HDGFL3: variants seen among roughly 807,000 people sequenced by gnomAD.
HDGFL3 encodes the protein hepatoma-derived growth factor-related protein 3.
A neutral mutation model predicts 27.6 loss-of-function variants in HDGFL3; 6 were observed. That is an observed-to-expected ratio of 0.22 (90% confidence interval 0.12 to 0.43). HDGFL3 has a LOEUF of 0.43. Among genes scored for constraint, HDGFL3 ranks in the 20% least tolerant of loss-of-function variants. The pLI, the probability that HDGFL3 is intolerant of heterozygous loss-of-function variation, is 1.00. For missense variants in HDGFL3, 207 were observed against 250.1 expected, an observed-to-expected ratio of 0.83 and a Z score of 1.16; for synonymous variants, 88 against 88.9, an observed-to-expected ratio of 0.99 and a Z score of 0.05.
At chr15:83,195,636 T>C (rs544339542) in intron 1 of HDGFL3, among the ~76,000 whole-genome samples, 6 of 152,212 alleles carry the variant, frequency 3.9e-5, no homozygotes, top group African/African-American at 4.8e-5. Context: ...AACATTAATG[T>C]TACCCAATTC....
chr15:83,175,226 C>T (rs1050433694), intron 1 of HDGFL3, among the ~76,000 whole-genome samples: 2 of 152,064 alleles, frequency 1.3e-5, no homozygotes, highest in African/African-American at 4.8e-5. Context: ...TGAGTTTGTA[C>T]CCCCTGGAAC....
chr15:83,169,696 G>A (rs1474769407), intron 1 of HDGFL3, among the ~76,000 whole-genome samples: 2 of 151,798 alleles, frequency 1.3e-5, no homozygotes, highest in African/African-American at 4.8e-5. Context: ...AGCTACTTGG[G>A]AGGCTGAGAC....
chr15:83,131,744 G>T lies in HDGFL3; in HGVS notation c.*7526C>A, dbSNP rs1204433225. 6.6e-6 allele frequency: 1 copy of T among 152,180 alleles called. No individual in the cohort carries two copies. Among genetic ancestry groups the T allele is most frequent in the Non-Finnish European group, 1.5e-5 (1 of 68,040 alleles). 9.4% of individuals were successfully genotyped at this position (152,180 alleles called of 1,614,324 possible). Reference sequence around the variant, plus strand: ...TCAAAAGATCAAGGAAAGAGTAAAAGAAGATTGAATAAAATGAAACCAGGA... The same window carrying T: ...TCAAAAGATCAAGGAAAGAGTAAAATAAGATTGAATAAAATGAAACCAGGA... On this transcript the variant is annotated 3_prime_UTR_variant, in exon 6 of 6. Transcript: ENST00000299633.
chr15:83,207,158 C>A lies in HDGFL3; in HGVS notation c.84+173G>T, dbSNP rs1326990420. On this transcript the variant is annotated intron_variant, in intron 1 of 5. Coordinates refer to ENST00000299633, the MANE Select transcript of HDGFL3 (RefSeq NM_016073.4). This position sits in a 1 kb window ranked among gnomAD's most constrained non-coding sequence, Gnocchi z 4.8. Reference sequence around the variant, plus strand: ...GGCGGAGTGCGGGCGAGGCCGGGAGCCCTTGCCTCAGCCCCGGCCCGGTCT... The same window carrying A: ...GGCGGAGTGCGGGCGAGGCCGGGAGACCTTGCCTCAGCCCCGGCCCGGTCT... Among the ~76,000 whole-genome samples, 1 of 152,162 alleles carries A rather than the reference C, an allele frequency of 6.6e-6. No homozygotes were observed. Among genetic ancestry groups the A allele is most frequent in the Admixed American group, 6.5e-5 (1 of 15,290 alleles).
intron 5 of HDGFL3, among the ~76,000 whole-genome samples, chr15:83,142,898 T>C (rs1402556437): frequency 6.6e-6 from 1 of 152,260 alleles, no homozygotes. Context: ...ATAAAAATGC[T>C]ATTTAAGTAA....
At chr15:83,140,670 T>G (rs1393570505) in intron 5 of HDGFL3, among the ~76,000 whole-genome samples, 3 of 152,054 alleles carry the variant, frequency 2.0e-5, no homozygotes, top group East Asian at 3.9e-4. Flanking sequence ...TTAGTAGAGA[T>G]GGGATTTCAC....
At chr15:83,181,476 T>C (rs1451261055) in intron 1 of HDGFL3, among the ~76,000 whole-genome samples, 2 of 152,224 alleles carry the variant, frequency 1.3e-5, no homozygotes, top group Non-Finnish European at 1.5e-5. Context: ...TTTCAATTCT[T>C]GTAGTCACTT....
At chr15:83,122,766 G>C, downstream of HDGFL3, 1 of 1,613,792 alleles carries the variant, frequency 6.2e-7, no homozygotes. Context: ...GGGAAGTATG[G>C]AACACGAATT....
intron 3 of HDGFL3, among the ~76,000 whole-genome samples, chr15:83,116,686 G>C (rs998591579): frequency 7.2e-5 from 11 of 152,190 alleles, no homozygotes; most frequent in Admixed American, 2.0e-4. Flanking sequence ...CACCAGTCAG[G>C]AGGCTTCCTC....
At chr15:83,126,666 G>T, downstream of HDGFL3, 1 of 1,012,768 alleles carries the variant, frequency 9.9e-7, no homozygotes, top group Non-Finnish European at 1.5e-6. Flanking sequence ...AAAGCAGCTT[G>T]TGACTAAACC....
chr15:83,149,797 A>G (rs1279775046), intron 5 of HDGFL3, among the ~76,000 whole-genome samples: 1 of 152,194 alleles, frequency 6.6e-6, no homozygotes, highest in East Asian at 1.9e-4. Context: ...GAAGGGAGGT[A>G]TCATCAAGAT....
chr15:83,173,816 G>A (rs1347190214), intron 1 of HDGFL3, among the ~76,000 whole-genome samples: 1 of 152,004 alleles, frequency 6.6e-6, no homozygotes, highest in Non-Finnish European at 1.5e-5. Flanking sequence ...CCCAAGAAAA[G>A]ACTACAAATA....
intron 3 of HDGFL3, chr15:83,115,878 A>G: frequency 6.2e-7 from 1 of 1,614,150 alleles, no homozygotes; most frequent in Non-Finnish European, 8.5e-7. Context: ...AGCGTGGTGA[A>G]CCTCATCATA....
chr15:83,132,139 A>C lies in HDGFL3; in HGVS notation c.*7131T>G, dbSNP rs2036297716. 6.6e-6 allele frequency: 1 copy of C among 152,200 alleles called. No homozygotes were observed. The highest frequency in any genetic ancestry group is 2.4e-5 in the African/African-American group (1 of 41,454). 9.4% of individuals were successfully genotyped at this position (152,200 alleles called of 1,614,324 possible). On this transcript the variant is annotated 3_prime_UTR_variant, in exon 6 of 6. Coordinates refer to ENST00000299633, the MANE Select transcript of HDGFL3 (RefSeq NM_016073.4). ...GTAGCTTTCTCATGGAATTGCTGTTAGGGTTGGATGAGGTAATACATGTAA... is the reference window on the plus strand; with the variant it reads ...GTAGCTTTCTCATGGAATTGCTGTTCGGGTTGGATGAGGTAATACATGTAA...
Position 83,207,464 on chromosome 15 carries a change from G to A in HDGFL3, c.-50C>T. 2 of 1,239,458 alleles carry A rather than the reference G, an allele frequency of 1.6e-6. No individual in the cohort carries two copies. Among genetic ancestry groups the A allele is most frequent in the Non-Finnish European group, 1.0e-6 (1 of 977,546 alleles). 76.8% of individuals were successfully genotyped at this position (1,239,458 alleles called of 1,614,324 possible). A position where few individuals can be genotyped will look rare whatever the true frequency, so the allele number is the denominator to read the frequency against. ...TCCTTGGTCGCCGCGAAGATGCCGG[G>A]AGGCCGCCCCCCCGCGGGCCGACGA... On this transcript the variant is annotated 5_prime_UTR_variant, in exon 1 of 6. Coordinates refer to ENST00000299633, the MANE Select transcript of HDGFL3 (RefSeq NM_016073.4). The surrounding 1 kb of genome is among the most constrained non-coding windows in gnomAD (Gnocchi z 4.8).
intron 3 of HDGFL3, among the ~76,000 whole-genome samples, chr15:83,118,358 G>A (rs1751996659): frequency 6.6e-6 from 1 of 152,180 alleles, no homozygotes; most frequent in Admixed American, 6.5e-5. Flanking sequence ...GAAAGGACCT[G>A]TGGCCTGTGC....
intron 1 of HDGFL3, among the ~76,000 whole-genome samples, chr15:83,198,372 TGACCA>T (rs2037598352): frequency 6.6e-6 from 1 of 152,214 alleles, no homozygotes; most frequent in South Asian, 2.1e-4. Flanking sequence ...TTTGGCCTAC[TGACCA>T]GACCAGTGTT....
intron 2 of HDGFL3, among the ~76,000 whole-genome samples, chr15:83,161,990 C>G (rs1291543742): frequency 1.3e-5 from 2 of 152,158 alleles, no homozygotes; most frequent in African/African-American, 4.8e-5. Context: ...AGAATTAGAA[C>G]AGATTCAAAG....
chr15:83,138,924 G>C lies in HDGFL3; in HGVS notation c.*346C>G. ...TTAATTTATATTTAACTGAGTGTTTGATGATGGTGGGGTCAAGGCAGGAAA... is the reference window on the plus strand; with the variant it reads ...TTAATTTATATTTAACTGAGTGTTTCATGATGGTGGGGTCAAGGCAGGAAA... On this transcript the variant is annotated 3_prime_UTR_variant, in exon 6 of 6. Transcript: ENST00000299633. 1 of 184,578 alleles carries C rather than the reference G, an allele frequency of 5.4e-6. No individual in the cohort carries two copies. The allele number at this position is 184,578 out of a possible 1,614,324, so 11.4% of individuals were successfully genotyped here. A position where few individuals can be genotyped will look rare whatever the true frequency, so the allele number is the denominator to read the frequency against.
Sources: allele counts gnomAD v4.1 joint callset (sites outside exome capture counted in the v4.1 genomes callset), GRCh38; gene constraint gnomAD v4.1.1; non-coding constraint Gnocchi (gnomAD v3.1); transcripts MANE v1.5; gene names NCBI Gene and HGNC (gene_info 2026-07-23, HGNC 2026-07-21).